MARCHF3: variants seen among roughly 807,000 people sequenced by gnomAD.
MARCHF3 encodes membrane associated ring-CH-type finger 3.
In MARCHF3, 13 loss-of-function variants were observed where a neutral mutation model predicts 24.2. The ratio of observed to expected loss-of-function variants is 0.54; its 90% CI spans 0.35 to 0.85. The LOEUF (loss-of-function observed/expected upper bound fraction) is 0.85, where lower values mean the gene tolerates loss of function less well. Ranked by LOEUF, MARCHF3 falls within the 40% of genes least tolerant of loss-of-function variation. The probability of loss-of-function intolerance (pLI) is 0.01; values close to 1 mark genes in which losing one functional copy is unlikely to be tolerated. For missense variants in MARCHF3, 276 were observed against 325.0 expected, an observed-to-expected ratio of 0.85 and a Z score of 1.16; for synonymous variants, 144 against 137.3, an observed-to-expected ratio of 1.05 and a Z score of -0.34.
rs528644334 is a variant in MARCHF3, at chr5:127,023,687, C to T, written c.-57+6663G>A. Among the ~76,000 whole-genome samples the T allele has an allele frequency of 3.6e-4, 55 of 151,056 alleles. 2 individuals are homozygous for T. The South Asian group carries it at 0.01, about 28-fold the overall frequency. On this transcript the variant is annotated intron_variant, in intron 1 of 4. Transcript: ENST00000308660. Reference sequence around the variant, plus strand: ...TGGAGGTTGCAGTGAGCTGAGATTGCGCCGCTGCACTCTAGCCTGGGTGAC... The same window carrying T: ...TGGAGGTTGCAGTGAGCTGAGATTGTGCCGCTGCACTCTAGCCTGGGTGAC...
intron 1 of MARCHF3, among the ~76,000 whole-genome samples, chr5:127,029,611 G>T (rs1360803454): frequency 1.3e-5 from 2 of 152,030 alleles, no homozygotes; most frequent in African/African-American, 2.4e-5. Context: ...AAACACGCAG[G>T]TGCTCAAACA....
At chr5:126,951,412 T>C (rs985057495) in intron 1 of MARCHF3, among the ~76,000 whole-genome samples, 4 of 152,184 alleles carry the variant, frequency 2.6e-5, no homozygotes, top group African/African-American at 9.7e-5. Flanking sequence ...TGCTCAATAC[T>C]TGTATGTCCA....
At chr5:127,004,693 C>T (rs1276590237) in intron 1 of MARCHF3, among the ~76,000 whole-genome samples, 1 of 152,144 alleles carries the variant, frequency 6.6e-6, no homozygotes, top group Non-Finnish European at 1.5e-5. Context: ...TTTGCTCAGA[C>T]ATAGGAAGGA....
chr5:126,960,178 T>G lies in MARCHF3; in HGVS notation c.-56-41951A>C, dbSNP rs73786237. On this transcript the variant is annotated intron_variant, in intron 1 of 4. Transcript: ENST00000308660. ...TACTGTTTCCAGGAGGTCCTAAGAG[T>G]TTTTATATCTTACATAGAAAATTTC... Among the ~76,000 whole-genome samples the G allele has an allele frequency of 8.4e-3, 1,278 of 152,040 alleles. 18 individuals are homozygous for G. The highest frequency in any genetic ancestry group is 0.025 in the East Asian group (132 of 5,178).
intron 1 of MARCHF3, among the ~76,000 whole-genome samples, chr5:126,999,644 C>T (rs1252128776): frequency 6.6e-6 from 1 of 152,124 alleles, no homozygotes; most frequent in African/African-American, 2.4e-5. Context: ...TTTAGGGGGG[C>T]AGAGAGATAT....
chr5:126,876,077 C>G (rs1753147059), intron 4 of MARCHF3, among the ~76,000 whole-genome samples: 1 of 152,150 alleles, frequency 6.6e-6, no homozygotes. Flanking sequence ...GTCTAGGTAC[C>G]TTTTCTACCC....
chr5:126,957,210 T>A (rs1171697234), intron 1 of MARCHF3, among the ~76,000 whole-genome samples: 1 of 152,228 alleles, frequency 6.6e-6, no homozygotes, highest in East Asian at 1.9e-4. Flanking sequence ...TTTCCTTACT[T>A]TCCTATTGAG....
At chr5:126,877,656 G>A (rs1235754294) in intron 4 of MARCHF3, among the ~76,000 whole-genome samples, 1 of 152,204 alleles carries the variant, frequency 6.6e-6, no homozygotes, top group Non-Finnish European at 1.5e-5. Context: ...GGGCAGCAGA[G>A]TCAATATCCC....
chr5:127,011,360 C>A (rs537923620), intron 1 of MARCHF3, among the ~76,000 whole-genome samples: 2 of 152,260 alleles, frequency 1.3e-5, no homozygotes, highest in Non-Finnish European at 2.9e-5. Context: ...ATCCAAATAA[C>A]CTCAAGCTCT....
chr5:126,916,461 C>T (rs1350577630), intron 2 of MARCHF3, among the ~76,000 whole-genome samples: 1 of 152,008 alleles, frequency 6.6e-6, no homozygotes, highest in Non-Finnish European at 1.5e-5. Flanking sequence ...TGAGAATGAT[C>T]CTGGGAATGA....
At chr5:126,957,452 A>G (rs1750487947) in intron 1 of MARCHF3, among the ~76,000 whole-genome samples, 2 of 152,084 alleles carry the variant, frequency 1.3e-5, no homozygotes, top group South Asian at 4.2e-4. Context: ...CTCATCCTAG[A>G]TTTTTCTATA....
intron 3 of MARCHF3, chr5:126,914,600 T>TGATCTGTTG (rs1280303106): frequency 2.3e-6 from 1 of 427,630 alleles, no homozygotes; most frequent in African/African-American, 1.9e-5. Flanking sequence ...GAAAGATGTT[T>TGATCTGTTG]GATCTGTTGG....
intron 2 of MARCHF3, among the ~76,000 whole-genome samples, chr5:126,915,723 C>CA (rs1384003444): frequency 6.6e-6 from 1 of 152,130 alleles, no homozygotes; most frequent in Non-Finnish European, 1.5e-5. Context: ...CCAAAGATAC[C>CA]AAACTGAAAG....
At chr5:127,014,642 CTGTAATTTTACAGCAACATGGA>C (rs1561473849) in intron 1 of MARCHF3, among the ~76,000 whole-genome samples, 1 of 152,076 alleles carries the variant, frequency 6.6e-6, no homozygotes, top group Non-Finnish European at 1.5e-5. Context: ...GAATGAAATT[CTGTAATTTTACAGCAACATGGA>C]TGGAAATGGA....
chr5:126,955,081 T>C (rs1166367404), intron 1 of MARCHF3, among the ~76,000 whole-genome samples: 1 of 152,250 alleles, frequency 6.6e-6, no homozygotes, highest in African/African-American at 2.4e-5. Flanking sequence ...AATCTATCCA[T>C]GTTGATACAT....
chr5:126,920,305 C>A (rs1006901027), intron 1 of MARCHF3, among the ~76,000 whole-genome samples: 3 of 152,042 alleles, frequency 2.0e-5, no homozygotes, highest in African/African-American at 7.2e-5. Context: ...GTTAAAAGAC[C>A]GTCCTCTTCT....
chr5:126,989,573 T>C (rs1011700687), intron 1 of MARCHF3, among the ~76,000 whole-genome samples: 3 of 152,082 alleles, frequency 2.0e-5, no homozygotes, highest in African/African-American at 7.2e-5. Context: ...GAAAAATGGA[T>C]AATAGCTCCA....
At chr5:126,912,854 T>C (rs1265553332) in intron 3 of MARCHF3, among the ~76,000 whole-genome samples, 14 of 152,254 alleles carry the variant, frequency 9.2e-5, no homozygotes, top group Non-Finnish European at 1.6e-4. Flanking sequence ...TTTCAACTTG[T>C]TCAATCATCA....
chr5:126,992,329 A>T (rs1751794015), intron 1 of MARCHF3, among the ~76,000 whole-genome samples: 1 of 152,322 alleles, frequency 6.6e-6, no homozygotes, highest in Non-Finnish European at 1.5e-5. Flanking sequence ...CTCCCTAATG[A>T]TGCTGCAAGC....
Sources: allele counts gnomAD v4.1 joint callset (sites outside exome capture counted in the v4.1 genomes callset), GRCh38; gene constraint gnomAD v4.1.1; transcripts MANE v1.5; gene names NCBI Gene and HGNC (gene_info 2026-07-23, HGNC 2026-07-21).